The following CDYL variants were observed in gnomAD, a reference collection of about 807,000 sequenced individuals.
CDYL encodes the protein chromodomain Y-like protein.
Under a neutral mutation model 47.3 loss-of-function variants are expected in CDYL, and 8 were observed. The observed-to-expected ratio is 0.17, with a 90% CI of 0.10 to 0.31. The LOEUF (loss-of-function observed/expected upper bound fraction) is 0.31. Ranked by LOEUF, CDYL falls within the 10% of genes least tolerant of loss-of-function variation. The probability of loss-of-function intolerance (pLI) is 1.00; values close to 1 mark genes in which losing one functional copy is unlikely to be tolerated. For synonymous variants in CDYL, 266 were observed against 265.0 expected (o/e 1.00, Z -0.04); for missense variants, 471 against 701.4 (o/e 0.67, Z 3.71).
intron 1 of CDYL, among the ~76,000 whole-genome samples, chr6:4,875,867 T>C (rs565405847): frequency 6.6e-6 from 1 of 152,346 alleles, no homozygotes; most frequent in African/African-American, 2.4e-5. Flanking sequence ...TTTGAAACAT[T>C]TTAAAGTAAA....
chr6:4,740,780 C>T (rs922582623), intron 3 of CDYL, among the ~76,000 whole-genome samples: 3 of 151,640 alleles, frequency 2.0e-5, no homozygotes, highest in African/African-American at 7.3e-5. Context: ...AGGGCATATA[C>T]TCTAAAATCT....
intron 1 of CDYL, among the ~76,000 whole-genome samples, chr6:4,832,237 T>G (rs1446860935): frequency 1.3e-5 from 2 of 152,228 alleles, no homozygotes; most frequent in African/African-American, 4.8e-5. Context: ...CTTATTATTT[T>G]GAGATAAGTC....
rs1386462368 is a variant in CDYL at position 4,891,700 on chromosome 6, C to T, written c.25-13C>T. On this transcript the variant is annotated splice_polypyrimidine_tract_variant and intron_variant, in intron 1 of 6. Transcript: ENST00000397588. ...TGATTTTTTTAAAACTATTTTTTTCCTTTTATGAACAGGTTGAAAGGATTG... is the reference window on the plus strand; with the variant it reads ...TGATTTTTTTAAAACTATTTTTTTCTTTTTATGAACAGGTTGAAAGGATTG... 2 of 1,559,854 alleles carry T rather than the reference C, an allele frequency of 1.3e-6. No homozygotes were observed. Among genetic ancestry groups the T allele is most frequent in the Non-Finnish European group, 8.7e-7 (1 of 1,155,476 alleles).
chr6:4,824,771 C>G (rs560759915), intron 1 of CDYL, among the ~76,000 whole-genome samples: 1 of 152,056 alleles, frequency 6.6e-6, no homozygotes, highest in East Asian at 1.9e-4. Flanking sequence ...GGTGACATAT[C>G]CAACTGTTTC....
chr6:4,765,529 A>G (rs9504245), intron 3 of CDYL, among the ~76,000 whole-genome samples: 26,652 of 151,604 alleles, frequency 0.18, 3,236 homozygotes, highest in African/African-American at 0.34. Context: ...TGAAAAGAAG[A>G]CTGAAGATCA....
intron 1 of CDYL, among the ~76,000 whole-genome samples, chr6:4,883,030 G>C (rs1301040829): frequency 6.6e-6 from 1 of 152,200 alleles, no homozygotes; most frequent in Non-Finnish European, 1.5e-5. Context: ...TCAAAATGGA[G>C]GACATAATCA....
intron 2 of CDYL, among the ~76,000 whole-genome samples, chr6:4,932,453 A>T (rs1026304786): frequency 1.3e-5 from 2 of 151,994 alleles, no homozygotes; most frequent in Non-Finnish European, 2.9e-5. Context: ...ACCTCCTCAG[A>T]CCATCACCTT....
rs770399503 is a variant in CDYL at position 4,891,789 on chromosome 6, G to T, written c.101G>T (p.Ser34Ile). 1 of 1,614,154 alleles carries T rather than the reference G, an allele frequency of 6.2e-7. No homozygotes were observed. Among genetic ancestry groups the T allele is most frequent in the South Asian group, 1.1e-5 (1 of 91,086 alleles). Reference protein sequence around the residue: ...EYLVRWKGYDSEDDTWEPEQH... With the variant: ...EYLVRWKGYDIEDDTWEPEQH... ...TTGGTTCGGTGGAAAGGCTATGACAGCGAGGACGACACTTGGGAGCCGGAA... is the reference window on the plus strand; with the variant it reads ...TTGGTTCGGTGGAAAGGCTATGACATCGAGGACGACACTTGGGAGCCGGAA... The change falls in exon 2 of 7, where the codon AGC becomes ATC. Residue 34 changes from serine to isoleucine, a missense_variant. Physicochemically the swap from Ser to Ile is moderately radical, Grantham distance 142. Coordinates refer to ENST00000397588, the MANE Select transcript of CDYL (RefSeq NM_004824.4).
At chr6:4,919,418 CCCTGTCTGA>C (rs1757648342) in intron 2 of CDYL, among the ~76,000 whole-genome samples, 1 of 152,152 alleles carries the variant, frequency 6.6e-6, no homozygotes, top group African/African-American at 2.4e-5. Context: ...GGTTAAATAA[CCCTGTCTGA>C]AATGCTTGGG....
At chr6:4,900,819 A>ATATATATATATATATATG (rs1757023161) in intron 2 of CDYL, among the ~76,000 whole-genome samples, 1 of 85,134 alleles carries the variant, frequency 1.2e-5, no homozygotes, top group Admixed American at 1.1e-4. Context: ...ATATATATAT[A>ATATATATATATATATATG]TATATATATA....
chr6:4,940,974 T>A (rs1758345476), intron 4 of CDYL, among the ~76,000 whole-genome samples: 1 of 152,236 alleles, frequency 6.6e-6, no homozygotes, highest in South Asian at 2.1e-4. Flanking sequence ...CAAACGTTCC[T>A]TTGACAGTCC....
chr6:4,732,957 T>C (rs1056177860), intron 2 of CDYL, among the ~76,000 whole-genome samples: 7 of 152,082 alleles, frequency 4.6e-5, no homozygotes, highest in Admixed American at 1.3e-4. Flanking sequence ...CTTCGGATCC[T>C]CCAAGAAACG....
At chr6:4,765,204 C>A (rs1038303891) in intron 3 of CDYL, among the ~76,000 whole-genome samples, 2 of 152,014 alleles carry the variant, frequency 1.3e-5, no homozygotes, top group Admixed American at 6.6e-5. Flanking sequence ...CACTTGTAAT[C>A]CCAGCTACTT....
chr6:4,836,354 A>G (rs1445905024), intron 1 of CDYL: 3 of 694,978 alleles, frequency 4.3e-6, no homozygotes, highest in Middle Eastern at 7.3e-4. Context: ...CAGAATTCCA[A>G]CCCCCTAGAG....
chr6:4,718,363 C>T (rs1027775702), intron 2 of CDYL, among the ~76,000 whole-genome samples: 1 of 152,084 alleles, frequency 6.6e-6, no homozygotes, highest in African/African-American at 2.4e-5. Flanking sequence ...ACTGCAACCT[C>T]TGCCTCCTGG....
intron 3 of CDYL, among the ~76,000 whole-genome samples, chr6:4,766,096 C>A (rs562720516): frequency 2.6e-5 from 4 of 152,092 alleles, no homozygotes; most frequent in African/African-American, 9.6e-5. Context: ...ATTAGAGATC[C>A]TACAAATACT....
chr6:4,779,161 AC>A, intron 1 of CDYL, among the ~76,000 whole-genome samples: 1 of 152,354 alleles, frequency 6.6e-6, no homozygotes, highest in South Asian at 2.1e-4. Context: ...CAGAAGTGAT[AC>A]GCAATTGTAA....
rs530573936 is a variant in CDYL at position 4,899,050 on chromosome 6, C to G, written c.691+6671C>G. Among the ~76,000 whole-genome samples the G allele has an allele frequency of 9.2e-5, 14 of 152,270 alleles. 1 individual carries two copies. In the South Asian group the frequency reaches 2.9e-3, roughly 32 times the overall value. On this transcript the variant is annotated intron_variant, in intron 2 of 6. Coordinates refer to ENST00000397588, the MANE Select transcript of CDYL (RefSeq NM_004824.4). ...CTTAGAAATCTGAGTACAGCCCTAG[C>G]CTTTTTGATTTTTCTCATTTTCTCA...
chr6:4,821,454 C>T (rs188477638), intron 1 of CDYL, among the ~76,000 whole-genome samples: 31 of 151,856 alleles, frequency 2.0e-4, no homozygotes, highest in Non-Finnish European at 3.1e-4. Flanking sequence ...TTCCTTGTGG[C>T]CCGGCGTGGT....
Sources: allele counts gnomAD v4.1 joint callset (sites outside exome capture counted in the v4.1 genomes callset), GRCh38; gene constraint gnomAD v4.1.1; transcripts MANE v1.5; gene names NCBI Gene and HGNC (gene_info 2026-07-23, HGNC 2026-07-21).